Variants in ABLIM3 observed in about 807,000 individuals in gnomAD.
ABLIM3 encodes actin-binding LIM protein 3.
ABLIM3 carries 61 observed loss-of-function variants against 109.5 expected under a neutral mutation model. The ratio of observed to expected loss-of-function variants is 0.56; its 90% CI spans 0.45 to 0.69. ABLIM3 has a LOEUF of 0.69. Ranked by LOEUF, ABLIM3 falls within the 30% of genes least tolerant of loss-of-function variation. The pLI, the probability that ABLIM3 is intolerant of heterozygous loss-of-function variation, is 0.00. For missense variants in ABLIM3, 796 were observed against 889.5 expected (o/e 0.89, Z 1.34); for synonymous variants, 300 against 324.8 (o/e 0.92, Z 0.82).
chr5:149,183,770 T>C (rs1040876295), intron 3 of ABLIM3, among the ~76,000 whole-genome samples, 181 bp downstream of exon 3: 2 of 152,138 alleles, frequency 1.3e-5, no homozygotes, highest in Admixed American at 1.3e-4. Flanking sequence ...AGTGTATTGG[T>C]ACGTGAGGGA....
At chr5:149,202,639 T>C (rs1758596391) in intron 5 of ABLIM3, among the ~76,000 whole-genome samples, 1 of 152,188 alleles carries the variant, frequency 6.6e-6, no homozygotes, top group Non-Finnish European at 1.5e-5. Context: ...TTTTTTAAGC[T>C]ACAATTGTGA....
chr5:149,174,353 AG>A (rs940914909), intron 2 of ABLIM3, among the ~76,000 whole-genome samples: 1 of 151,946 alleles, frequency 6.6e-6, no homozygotes, highest in African/African-American at 2.4e-5. Flanking sequence ...TGCCATGTTG[AG>A]GAAAGCCGGG....
intron 2 of ABLIM3, among the ~76,000 whole-genome samples, chr5:149,149,147 C>T (rs1001226082): frequency 6.6e-6 from 1 of 152,148 alleles, no homozygotes; most frequent in Non-Finnish European, 1.5e-5. Context: ...ACAGCAAGAA[C>T]CTGAGCTTTG....
At chr5:149,158,993 C>A (rs1023089179) in intron 2 of ABLIM3, among the ~76,000 whole-genome samples, 20 of 152,148 alleles carry the variant, frequency 1.3e-4, no homozygotes, top group Non-Finnish European at 2.8e-4. Flanking sequence ...TCAACATACA[C>A]CTACCTATGA....
intron 3 of ABLIM3, among the ~76,000 whole-genome samples, chr5:149,184,478 C>G (rs1258269030): frequency 2.0e-5 from 3 of 152,160 alleles, no homozygotes; most frequent in African/African-American, 7.2e-5. Context: ...CAGGTTTTCC[C>G]CATGTCAAAC....
chr5:149,232,914 T>A (rs1489153333), intron 9 of ABLIM3, among the ~76,000 whole-genome samples: 2 of 152,230 alleles, frequency 1.3e-5, no homozygotes, highest in African/African-American at 2.4e-5. Flanking sequence ...TTTTATTTTT[T>A]AAAAGAAATA....
rs969551629 is a variant in ABLIM3 at position 149,260,387 on chromosome 5, A to C, written c.*1983A>C. 2 of 152,498 alleles carry C rather than the reference A, an allele frequency of 1.3e-5. No individual in the cohort carries two copies. Among genetic ancestry groups the C allele is most frequent in the African/African-American group, 4.8e-5 (2 of 41,414 alleles). 9.4% of individuals were successfully genotyped at this position (152,498 alleles called of 1,614,324 possible). ...TTGGCGAGATTGAAGGGCTTTTGTT[A>C]TTGTTGTTGGATATTTTTGTTTCCC... On this transcript the variant is annotated 3_prime_UTR_variant, in exon 24 of 24. Transcript: ENST00000309868.
intron 19 of ABLIM3, among the ~76,000 whole-genome samples, chr5:149,250,077 C>A (rs1268048134): frequency 6.6e-6 from 1 of 152,232 alleles, no homozygotes; most frequent in Non-Finnish European, 1.5e-5. Context: ...GTGCACACAC[C>A]TCTTCCACCA....
chr5:149,245,787 TC>T (rs1298691671), intron 16 of ABLIM3, among the ~76,000 whole-genome samples: 2 of 151,938 alleles, frequency 1.3e-5, no homozygotes, highest in African/African-American at 4.8e-5. Context: ...GGGAAATTTT[TC>T]CCCCCATCAA....
chr5:149,173,672 G>A (rs1205734083), intron 2 of ABLIM3, among the ~76,000 whole-genome samples: 2 of 152,142 alleles, frequency 1.3e-5, no homozygotes, highest in African/African-American at 2.4e-5. Context: ...TAGCTCCAAG[G>A]CCTTAAAGTG....
intron 2 of ABLIM3, among the ~76,000 whole-genome samples, chr5:149,168,529 G>T (rs1387932396): frequency 6.6e-6 from 1 of 152,184 alleles, no homozygotes; most frequent in Admixed American, 6.5e-5. Flanking sequence ...TGCCTGATGG[G>T]AGATGGCTTT....
Position 149,250,044 on chromosome 5 carries a change from T to C in ABLIM3, c.1729+200T>C, listed in dbSNP as rs1374560660. ...CTGGAACTAGGATTGCCATCCCCAA[T>C]AGATGGTCCCAGAGGAAAAAAAGTG... On this transcript the variant is annotated intron_variant, in intron 19 of 23. Coordinates refer to ENST00000309868, the MANE Select transcript of ABLIM3 (RefSeq NM_014945.5). Among the ~76,000 whole-genome samples, 6 of 152,140 alleles carry C rather than the reference T, an allele frequency of 3.9e-5. No individual in the cohort carries two copies. The East Asian group carries it at 9.7e-4, about 25-fold the overall frequency.
At chr5:149,210,953 A>G (rs1759490231) in intron 7 of ABLIM3, 134 bp downstream of exon 7, 2 of 796,790 alleles carry the variant, frequency 2.5e-6, no homozygotes, top group Admixed American at 4.0e-5. Context: ...TGCTTGCTAC[A>G]TGACCTTGAG....
At chr5:149,152,513 G>C (rs950800958) in intron 2 of ABLIM3, among the ~76,000 whole-genome samples, 7 of 152,172 alleles carry the variant, frequency 4.6e-5, no homozygotes, top group African/African-American at 1.7e-4. Flanking sequence ...GTTGGATACA[G>C]TTAGGCAAAT....
intron 2 of ABLIM3, among the ~76,000 whole-genome samples, chr5:149,148,951 A>G (rs1385914530): frequency 6.6e-6 from 1 of 152,248 alleles, no homozygotes; most frequent in Non-Finnish European, 1.5e-5. Context: ...GATCAATGGT[A>G]CCACATACTG....
chr5:149,258,636 TTGGGGATCC>T lies in ABLIM3; in HGVS notation c.*234_*242del, dbSNP rs1231436254. On this transcript the variant is annotated 3_prime_UTR_variant, in exon 24 of 24. Transcript: ENST00000309868. Reference sequence around the variant, plus strand: ...GATTTGAGGGGACTCTGTCCTTTTATTGGGGATCCTTTTTATACTGAAACATCTGTCCTA... The same window carrying T: ...GATTTGAGGGGACTCTGTCCTTTTATTTTTTATACTGAAACATCTGTCCTA... The T allele has an allele frequency of 1.6e-6, 2 of 1,256,356 alleles. No homozygotes were observed. Among genetic ancestry groups the T allele is most frequent in the Non-Finnish European group, 1.0e-6 (1 of 1,000,166 alleles). 77.8% of individuals were successfully genotyped at this position (1,256,356 alleles called of 1,614,324 possible).
chr5:149,245,247 A>T (rs1371546519), intron 16 of ABLIM3, among the ~76,000 whole-genome samples: 1 of 152,260 alleles, frequency 6.6e-6, no homozygotes, highest in Non-Finnish European at 1.5e-5. Context: ...TGGAGAAGAC[A>T]TAGGCCCCAG....
intron 8 of ABLIM3, among the ~76,000 whole-genome samples, chr5:149,229,478 A>G (rs976434143): frequency 3.3e-5 from 5 of 152,210 alleles, no homozygotes; most frequent in African/African-American, 1.2e-4. Context: ...AGCAGAGACA[A>G]AAAACACAGG....
At chr5:149,144,018 A>G (rs552877107) in intron 2 of ABLIM3, among the ~76,000 whole-genome samples, 128 of 152,346 alleles carry the variant, frequency 8.4e-4, no homozygotes, top group African/African-American at 3.0e-3. Context: ...CTCTTGTCCT[A>G]TTAGTAACAC....
Sources: gnomAD v4.1 joint callset for allele counts (sites outside exome capture counted in the v4.1 genomes callset) on GRCh38, gnomAD v4.1.1 for gene constraint, MANE v1.5 for transcripts, NCBI Gene and HGNC (gene_info 2026-07-23, HGNC 2026-07-21) for gene names.